The following ZNF248 variants were observed in gnomAD, a reference collection of about 807,000 sequenced individuals.
ZNF248 encodes KRAB protein domain.
ZNF248 carries 20 observed loss-of-function variants against 44.3 expected under a neutral mutation model. The ratio of observed to expected loss-of-function variants is 0.45; its 90% CI spans 0.32 to 0.66. ZNF248 has a LOEUF of 0.66. ZNF248 is among the 30% of genes least tolerant of loss of function. The probability of loss-of-function intolerance (pLI) is 0.04; values close to 1 mark genes in which losing one functional copy is unlikely to be tolerated. For synonymous variants in ZNF248, 224 were observed against 229.0 expected, an observed-to-expected ratio of 0.98 and a Z score of 0.20; for missense variants, 654 against 677.0, an observed-to-expected ratio of 0.97 and a Z score of 0.38.
the ZNF248 span, among the ~76,000 whole-genome samples, chr10:37,768,985 T>A: frequency 6.6e-5 from 10 of 152,282 alleles, no homozygotes; most frequent in East Asian, 1.9e-3. Flanking sequence ...CAGAGAATAC[T>A]ACAAACACCT....
intron 5 of ZNF248, among the ~76,000 whole-genome samples, chr10:37,834,405 G>A (rs1294165529): frequency 6.6e-6 from 1 of 152,090 alleles, no homozygotes; most frequent in Non-Finnish European, 1.5e-5. Flanking sequence ...CACCTGATCA[G>A]CTATAATACA....
upstream of ZNF248, chr10:37,857,739 C>T (rs1447545718): frequency 6.6e-6 from 1 of 152,524 alleles, no homozygotes; most frequent in Non-Finnish European, 1.5e-5. Context: ...AGTTCCCTCC[C>T]CTTCGGGCCA....
At chr10:37,768,180 G>A in the ZNF248 span, among the ~76,000 whole-genome samples, 9 of 152,286 alleles carry the variant, frequency 5.9e-5, no homozygotes, top group Non-Finnish European at 1.5e-5. Flanking sequence ...AATAATGGGA[G>A]ACTTTAACAC....
the ZNF248 span, among the ~76,000 whole-genome samples, chr10:37,759,727 A>T: frequency 6.6e-6 from 1 of 152,252 alleles, no homozygotes; most frequent in African/African-American, 2.4e-5. Flanking sequence ...AGTTGAGGTT[A>T]GAGCCCAAAG....
rs759816911 is a variant in ZNF248 at position 37,832,934 on chromosome 10, C to T, written c.421G>A (p.Asp141Asn). The change falls in exon 6 of 6, where the codon GAC becomes AAC. Residue 141 changes from aspartate to asparagine, a missense_variant. By Grantham distance (23) the Asp-to-Asn change is conservative (BLOSUM62 1). Transcript: ENST00000395867. ...TTTTTCAAATTCATTTCACATGAGT[C>T]ACATATTTTATAGGGATAATTTCTT... is the stretch of plus-strand genomic sequence containing the variant. ...SLRNYPYKIC[D>N]SCEMNLKNIS... The T allele has an allele frequency of 6.8e-6, 11 of 1,613,208 alleles. No individual in the cohort carries two copies. Among genetic ancestry groups the T allele is most frequent in the Middle Eastern group, 3.3e-4 (2 of 6,076 alleles).
At chr10:37,849,368 G>A (rs2059837193) in intron 3 of ZNF248, among the ~76,000 whole-genome samples, 1 of 152,012 alleles carries the variant, frequency 6.6e-6, no homozygotes, top group African/African-American at 2.4e-5. Context: ...TTTCACAAAT[G>A]GTGAAAAATT....
At chr10:37,765,078 G>A in the ZNF248 span, among the ~76,000 whole-genome samples, 137 of 151,642 alleles carry the variant, frequency 9.0e-4, 1 homozygote, top group African/African-American at 2.3e-3. Flanking sequence ...CTCCTGCCTC[G>A]GCCTCCTGAG....
intron 6 of ZNF248, among the ~76,000 whole-genome samples, chr10:37,796,725 G>A (rs982052327): frequency 1.4e-5 from 2 of 146,352 alleles, no homozygotes; most frequent in African/African-American, 5.0e-5. Flanking sequence ...AAAAGTATTT[G>A]TAAAATAATA....
At chr10:37,820,597 T>C in intron 6 of ZNF248, 2 of 1,591,424 alleles carry the variant, frequency 1.3e-6, no homozygotes, top group Non-Finnish European at 1.7e-6. Flanking sequence ...AATCACTAAT[T>C]TTACGTCCCC....
chr10:37,848,905 C>T (rs2059763389), intron 3 of ZNF248, among the ~76,000 whole-genome samples: 1 of 152,102 alleles, frequency 6.6e-6, no homozygotes, highest in East Asian at 1.9e-4. Context: ...ACTAGTTCTT[C>T]ACTTTTAAAT....
intron 6 of ZNF248, chr10:37,820,563 C>T (rs1054576546): frequency 8.7e-6 from 14 of 1,601,628 alleles, no homozygotes; most frequent in East Asian, 6.7e-5. Context: ...GTCCCTGGCC[C>T]GCTTCCCCCA....
intron 5 of ZNF248, among the ~76,000 whole-genome samples, chr10:37,835,784 G>C (rs1454266429): frequency 1.3e-5 from 2 of 152,182 alleles, no homozygotes; most frequent in Non-Finnish European, 2.9e-5. Flanking sequence ...AAAGTCTGTT[G>C]ACTTCTGCTC....
chr10:37,850,072 T>TA (rs914408235), intron 3 of ZNF248, among the ~76,000 whole-genome samples: 69 of 149,432 alleles, frequency 4.6e-4, no homozygotes, highest in South Asian at 4.4e-3. Context: ...GACTCTGTCT[T>TA]AAAAAAAAAA....
chr10:37,848,626 A>C (rs535266469), intron 3 of ZNF248, among the ~76,000 whole-genome samples: 2 of 152,020 alleles, frequency 1.3e-5, no homozygotes, highest in East Asian at 3.9e-4. Context: ...GGAGCCCCTC[A>C]GCAGAAGAAA....
intron 3 of ZNF248, among the ~76,000 whole-genome samples, chr10:37,844,818 C>A (rs1021066082): frequency 5.3e-5 from 8 of 152,044 alleles, no homozygotes; most frequent in Non-Finnish European, 1.2e-4. Context: ...ACAAACAATT[C>A]GAAAGACAGA....
At chr10:37,769,979 A>G in the ZNF248 span, among the ~76,000 whole-genome samples, 2 of 152,300 alleles carry the variant, frequency 1.3e-5, no homozygotes, top group South Asian at 4.1e-4. Flanking sequence ...TACACCAATA[A>G]CAGACAAACA....
chr10:37,832,456 T>C lies in ZNF248; in HGVS notation c.899A>G (p.Asn300Ser), dbSNP rs1441014817. Reference sequence around the variant, plus strand: ...GTCACAGAAGATTTCCCCATATTCATTATATTCATAAGGATTGTCCTTTGT... The same window carrying C: ...GTCACAGAAGATTTCCCCATATTCACTATATTCATAAGGATTGTCCTTTGT... ...ALTKDNPYEYNEYGEIFCDNS... is the reference protein window; with the variant it reads ...ALTKDNPYEYSEYGEIFCDNS... The change falls in exon 6 of 6, where the codon AAT becomes AGT. Residue 300 changes from asparagine (N) to serine (S), a missense_variant. By Grantham distance (46) the Asn-to-Ser change is conservative (BLOSUM62 1). Transcript: ENST00000395867. The C allele has an allele frequency of 1.2e-6, 2 of 1,613,988 alleles. No homozygotes were observed. Among genetic ancestry groups the C allele is most frequent in the Non-Finnish European group, 1.7e-6 (2 of 1,179,936 alleles).
At chr10:37,854,897 AGTGT>A (rs1231439816) in intron 3 of ZNF248, among the ~76,000 whole-genome samples, 2 of 152,228 alleles carry the variant, frequency 1.3e-5, no homozygotes, top group East Asian at 1.9e-4. Flanking sequence ...AATGGAAAAT[AGTGT>A]GTAAGTCAAC....
chr10:37,761,798 C>G, the ZNF248 span, among the ~76,000 whole-genome samples: 1 of 152,168 alleles, frequency 6.6e-6, no homozygotes, highest in Non-Finnish European at 1.5e-5. Flanking sequence ...CCACCTTCAG[C>G]TCTAAGAAAC....
Sources: allele counts gnomAD v4.1 joint callset (sites outside exome capture counted in the v4.1 genomes callset), GRCh38; gene constraint gnomAD v4.1.1; transcripts MANE v1.5; gene names NCBI Gene and HGNC (gene_info 2026-07-23, HGNC 2026-07-21).